The following NMNAT2 variants were observed in gnomAD, a reference collection of about 807,000 sequenced individuals.
NMNAT2 encodes the protein nicotinamide/nicotinic acid mononucleotide adenylyltransferase 2.
A neutral mutation model predicts 41.6 loss-of-function variants in NMNAT2; 11 were observed. The ratio of observed to expected loss-of-function variants is 0.26; its 90% CI spans 0.17 to 0.44. NMNAT2 has a LOEUF of 0.44. NMNAT2 is among the 20% of genes least tolerant of loss of function. NMNAT2 has a pLI of 1.00. For missense variants in NMNAT2, 288 were observed against 407.7 expected, an observed-to-expected ratio of 0.71 and a Z score of 2.53; for synonymous variants, 148 against 151.2, an observed-to-expected ratio of 0.98 and a Z score of 0.16.
intron 8 of NMNAT2, among the ~76,000 whole-genome samples, chr1:183,275,663 A>G (rs1174924640): frequency 1.7e-5 from 1 of 57,402 alleles, no homozygotes; most frequent in Non-Finnish European, 3.7e-5. Context: ...GGATATGAGC[A>G]TTTCCGTATT....
intron 1 of NMNAT2, among the ~76,000 whole-genome samples, chr1:183,327,051 TATGTATG>T (rs1157026146): frequency 4.1e-5 from 6 of 145,292 alleles, no homozygotes; most frequent in South Asian, 2.4e-4. Context: ...TGTATGTATG[TATGTATG>T]TATTTATTTT....
intron 1 of NMNAT2, among the ~76,000 whole-genome samples, chr1:183,340,602 G>A (rs188737462): frequency 1.3e-5 from 2 of 152,160 alleles, no homozygotes; most frequent in African/African-American, 4.8e-5. Context: ...GGGATTACAG[G>A]CATGAGCCAC....
chr1:183,318,583 A>G (rs565059674), intron 1 of NMNAT2, among the ~76,000 whole-genome samples: 2 of 152,206 alleles, frequency 1.3e-5, no homozygotes, highest in Non-Finnish European at 2.9e-5. Context: ...AGTTTCTAGA[A>G]CTGAGAAGGG....
At chr1:183,324,248 C>T (rs1358629552) in intron 1 of NMNAT2, among the ~76,000 whole-genome samples, 3 of 152,040 alleles carry the variant, frequency 2.0e-5, no homozygotes, top group East Asian at 3.9e-4. Flanking sequence ...TGAGCACATC[C>T]GGACAGAAGG....
intron 1 of NMNAT2, among the ~76,000 whole-genome samples, chr1:183,324,528 T>C (rs1434531690): frequency 6.6e-6 from 1 of 152,180 alleles, no homozygotes; most frequent in Admixed American, 6.5e-5. Flanking sequence ...GTTTGGCCTC[T>C]ACCATTTTCA....
At chr1:183,386,270 C>G (rs1648239568) in intron 1 of NMNAT2, among the ~76,000 whole-genome samples, 1 of 151,950 alleles carries the variant, frequency 6.6e-6, no homozygotes, top group Admixed American at 6.6e-5. Context: ...CCATATATAT[C>G]CAAATATAAG....
intron 10 of NMNAT2, among the ~76,000 whole-genome samples, chr1:183,259,619 T>TGA (rs1312028686): frequency 6.6e-6 from 1 of 152,142 alleles, no homozygotes; most frequent in East Asian, 1.9e-4. Context: ...TGTGTGTGTG[T>TGA]GATGGGGTCT....
At chr1:183,304,624 A>T (rs752885025) in intron 1 of NMNAT2, 2 of 1,570,652 alleles carry the variant, frequency 1.3e-6, no homozygotes, top group Admixed American at 3.3e-5. Flanking sequence ...ACCTCCCTCC[A>T]GCTGCCCCGC....
At chr1:183,298,850 T>A (rs909499789) in intron 1 of NMNAT2, among the ~76,000 whole-genome samples, 3 of 152,230 alleles carry the variant, frequency 2.0e-5, no homozygotes, top group African/African-American at 7.2e-5. Context: ...CTCCCCAAAA[T>A]GATATGAAAT....
intron 1 of NMNAT2, among the ~76,000 whole-genome samples, chr1:183,347,078 A>T (rs1662946156): frequency 6.6e-6 from 1 of 152,070 alleles, no homozygotes; most frequent in South Asian, 2.1e-4. Context: ...CTTCTCTGAC[A>T]CTTAGTCACT....
rs1228815308 is a variant in NMNAT2 at position 183,258,945 on chromosome 1, A to C, written c.821+2057T>G. Among the ~76,000 whole-genome samples the C allele has an allele frequency of 1.3e-5, 2 of 152,194 alleles. 1 individual carries two copies. Among genetic ancestry groups the C allele is most frequent in the Non-Finnish European group, 2.9e-5 (2 of 68,036 alleles). ...AATGCTCAGGGAGACTGATTTGATA[A>C]CAATAAAACTCTGGTCTCCCGCACA... On this transcript the variant is annotated intron_variant, in intron 10 of 10. Transcript: ENST00000287713.
chr1:183,405,709 G>C (rs1648937380), intron 1 of NMNAT2, among the ~76,000 whole-genome samples: 1 of 152,200 alleles, frequency 6.6e-6, no homozygotes, highest in Non-Finnish European at 1.5e-5. Flanking sequence ...GTCTTTTGTA[G>C]AGACGAAGTC....
chr1:183,267,736 C>T (rs1181108562), intron 8 of NMNAT2, among the ~76,000 whole-genome samples: 1 of 152,058 alleles, frequency 6.6e-6, no homozygotes, highest in Non-Finnish European at 1.5e-5. Flanking sequence ...CTCGAGGGGA[C>T]CAGCACCTCC....
chr1:183,300,958 T>C (rs1028797326), intron 1 of NMNAT2, among the ~76,000 whole-genome samples: 2 of 152,244 alleles, frequency 1.3e-5, no homozygotes, highest in Non-Finnish European at 2.9e-5. Context: ...TCTGATTCTA[T>C]GGGTCTGGGA....
chr1:183,417,693 C>T (rs1815590), intron 1 of NMNAT2, among the ~76,000 whole-genome samples: 108,368 of 152,124 alleles, frequency 0.71, 38,752 homozygotes, highest in East Asian at 0.91. Flanking sequence ...CCCCTGTCAC[C>T]GGTGTGTCGG....
At chr1:183,383,896 T>C (rs1663855810) in intron 1 of NMNAT2, among the ~76,000 whole-genome samples, 1 of 152,234 alleles carries the variant, frequency 6.6e-6, no homozygotes, top group Non-Finnish European at 1.5e-5. Context: ...CTCCAGACTC[T>C]TTCAGACTTT....
At chr1:183,259,936 C>T (rs571574831) in intron 10 of NMNAT2, among the ~76,000 whole-genome samples, 19 of 152,286 alleles carry the variant, frequency 1.2e-4, no homozygotes, top group Non-Finnish European at 2.4e-4. Context: ...CTTACGTGTT[C>T]GTGGCTTTCA....
intron 8 of NMNAT2, among the ~76,000 whole-genome samples, chr1:183,276,199 A>G (rs1661121515): frequency 6.6e-6 from 1 of 152,166 alleles, no homozygotes; most frequent in South Asian, 2.1e-4. Context: ...CAGAAAGGGA[A>G]GAGGGTTGGG....
chr1:183,307,364 T>C (rs998919002), intron 1 of NMNAT2, among the ~76,000 whole-genome samples: 1 of 151,240 alleles, frequency 6.6e-6, no homozygotes, highest in African/African-American at 2.4e-5. Context: ...TGGAGTGCAA[T>C]GGTGTGATCT....
Sources: allele counts gnomAD v4.1 joint callset (sites outside exome capture counted in the v4.1 genomes callset), GRCh38; gene constraint gnomAD v4.1.1; transcripts MANE v1.5; gene names NCBI Gene and HGNC (gene_info 2026-07-23, HGNC 2026-07-21).